The following RFC4 variants were observed in gnomAD, a reference collection of about 807,000 sequenced individuals.
The protein encoded by RFC4 is replication factor C subunit 4.
A neutral mutation model predicts 47.6 loss-of-function variants in RFC4; 38 were observed. The observed-to-expected ratio is 0.80, with a 90% confidence interval of 0.62 to 1.05. The LOEUF is 1.05. Ranked by LOEUF, RFC4 falls within the 50% of genes least tolerant of loss-of-function variation. The pLI is 0.00. For synonymous variants in RFC4, 164 were observed against 150.0 expected (o/e 1.09, Z -0.68); for missense variants, 489 against 434.0 (o/e 1.13, Z -1.13).
At chr3:186,800,598 T>C (rs944159565) in intron 3 of RFC4, among the ~76,000 whole-genome samples, 1 of 152,228 alleles carries the variant, frequency 6.6e-6, no homozygotes, top group Admixed American at 6.5e-5. Context: ...AAGTTATCCA[T>C]GGATACTTTA....
intron 5 of RFC4, among the ~76,000 whole-genome samples, chr3:186,794,234 A>G (rs1383035545): frequency 6.6e-6 from 1 of 152,264 alleles, no homozygotes; most frequent in Non-Finnish European, 1.5e-5. Context: ...TATGAAAATT[A>G]TACCAAGAAA....
intron 8 of RFC4, among the ~76,000 whole-genome samples, chr3:186,791,149 C>T (rs1722120025): frequency 6.6e-6 from 1 of 152,176 alleles, no homozygotes; most frequent in African/African-American, 2.4e-5. Flanking sequence ...AGAACATCTG[C>T]TAAAATTGAT....
intron 4 of RFC4, among the ~76,000 whole-genome samples, chr3:186,795,266 C>CA (rs1362183862): frequency 6.6e-6 from 1 of 152,194 alleles, no homozygotes. Flanking sequence ...GTTGGGATTA[C>CA]AGGTGTGAGG....
At chr3:186,790,299 T>C in intron 9 of RFC4, 27 bp downstream of exon 9, 1 of 1,612,124 alleles carries the variant, frequency 6.2e-7, no homozygotes, top group Non-Finnish European at 8.5e-7. Context: ...AATATTCCTT[T>C]CCCCAAAGTT....
Position 186,790,334 on chromosome 3 carries a change from C to CA in RFC4, c.873dup (p.Val292CysfsTer8). ...TAGTAAGCTGACTTTACCTTGACCA[C>CA]AGCTTCTAGTTTGTCAAAAGAGCCA... On this transcript the variant is annotated frameshift_variant, in exon 9 of 11. Coordinates refer to ENST00000296273, the MANE Select transcript of RFC4 (RefSeq NM_002916.5). LOFTEE classifies it high-confidence loss of function. The CA allele has an allele frequency of 6.2e-7, 1 of 1,613,770 alleles. No individual in the cohort carries two copies. Among genetic ancestry groups the CA allele is most frequent in the African/African-American group, 1.3e-5 (1 of 75,016 alleles).
At chr3:186,790,847 AAAGAGGATT>A (rs1337215497) in intron 8 of RFC4, among the ~76,000 whole-genome samples, 2 of 152,212 alleles carry the variant, frequency 1.3e-5, no homozygotes, top group East Asian at 3.9e-4. Context: ...CCAGAAAATT[AAAGAGGATT>A]AGTGGTACCA....
rs3917112 is a variant in RFC4, at chr3:186,800,009, A to G, written c.210+1108T>C. On this transcript the variant is annotated intron_variant, in intron 3 of 10. Transcript: ENST00000296273. ...CACTCTGTCACCCAGGCTGGAGTAC[A>G]GTGGCACAATCTTGGCTCACTGCAA... 8.1e-3 allele frequency among the ~76,000 whole-genome samples: 1,232 copies of G among 152,230 alleles called. 14 individuals are homozygous for G. The highest frequency in any genetic ancestry group is 0.028 in the African/African-American group (1,167 of 41,538).
rs775828072 is a variant in RFC4 at position 186,790,285 on chromosome 3, A to G, written c.883-30T>C. 12 of 1,611,078 alleles carry G rather than the reference A, an allele frequency of 7.4e-6. No individual in the cohort carries two copies. The African/African-American group carries it at 9.3e-5, about 13-fold the overall frequency. On this transcript the variant is annotated intron_variant, in intron 9 of 10. Coordinates refer to ENST00000296273, the MANE Select transcript of RFC4 (RefSeq NM_002916.5). ...AATAAAAAAAACTTTTGGTATGATG[A>G]CTTAATATTCCTTTCCCCAAAGTTA... is the stretch of plus-strand genomic sequence containing the variant.
At chr3:186,790,706 A>T (rs912048231) in intron 8 of RFC4, among the ~76,000 whole-genome samples, 1 of 152,226 alleles carries the variant, frequency 6.6e-6, no homozygotes, top group Non-Finnish European at 1.5e-5. Context: ...CCTAGCGGCT[A>T]TAACGATTCC....
chr3:186,802,752 T>A (rs538008594), intron 2 of RFC4, among the ~76,000 whole-genome samples: 45 of 152,280 alleles, frequency 3.0e-4, no homozygotes, highest in Admixed American at 1.2e-3. Context: ...TAATGTCTTC[T>A]CTTGGGAATC....
In RFC4 at chr3:186,792,446, C is replaced by G. The variant is rs1484187389; in HGVS notation, c.675+44G>C. The stretch of plus-strand genomic sequence containing the variant: ...TCAGGGCCTCTTTATATGCATTCAT[C>G]AAAGGAATTAGTAACTCTAATAATT... On this transcript the variant is annotated intron_variant, in intron 7 of 10. Coordinates refer to ENST00000296273, the MANE Select transcript of RFC4 (RefSeq NM_002916.5). 1.9e-6 allele frequency: 3 copies of G among 1,562,346 alleles called. No individual in the cohort carries two copies. The African/African-American group carries it at 4.1e-5, about 21-fold the overall frequency.
rs1261824231 is a variant in RFC4 at position 186,804,689 on chromosome 3, A to C, written c.25T>G (p.Ser9Ala). MQAFLKGTSISTKPPLTKD... is the reference protein window; with the variant it reads MQAFLKGTAISTKPPLTKD... ...GTCAGCGGGGGTTTAGTACTGATGG[A>C]TGTACCTTTAAGAAATGCTTGCATG... The change falls in exon 2 of 11, where the codon TCC (serine) becomes GCC (alanine). Residue 9 changes from serine to alanine, a missense_variant. By Grantham distance (99) the Ser-to-Ala change is moderately conservative (BLOSUM62 1). Coordinates refer to ENST00000296273, the MANE Select transcript of RFC4 (RefSeq NM_002916.5). The C allele has an allele frequency of 1.2e-6, 2 of 1,613,278 alleles. No individual in the cohort carries two copies. Among genetic ancestry groups the C allele is most frequent in the Non-Finnish European group, 1.7e-6 (2 of 1,179,686 alleles).
Position 186,804,726 on chromosome 3 carries a change from T to C in RFC4, c.-11-2A>G. ...GAAATGCTTGCATGGTACTTCACCC[T>C]GGTCAGGTGCAAGACAGAAAAAAAA... On this transcript the variant is annotated splice_acceptor_variant, in intron 1 of 10. Coordinates refer to ENST00000296273, the MANE Select transcript of RFC4 (RefSeq NM_002916.5). LOFTEE classifies it low-confidence loss of function (5UTR_SPLICE). The C allele has an allele frequency of 6.2e-7, 1 of 1,608,146 alleles. No homozygotes were observed. The highest frequency in any genetic ancestry group is 8.5e-7 in the Non-Finnish European group (1 of 1,177,152).
Position 186,798,912 on chromosome 3 carries a change from T to C in RFC4, c.211-1298A>G, listed in dbSNP as rs868774781. On this transcript the variant is annotated intron_variant, in intron 3 of 10. Transcript: ENST00000296273. ...TTCTATTCACATCTGTATTCTAGCA[T>C]CTACTACAGTAGTCAATGTTGGCCA... 2.6e-5 allele frequency among the ~76,000 whole-genome samples: 4 copies of C among 152,358 alleles called. No individual in the cohort carries two copies. In the South Asian group the frequency reaches 8.3e-4, roughly 32 times the overall value.
In RFC4 at chr3:186,793,559, G is replaced by A. The variant is rs1579178338; in HGVS notation, c.411-612C>T. Among the ~76,000 whole-genome samples the A allele has an allele frequency of 6.6e-6, 1 of 152,128 alleles. No homozygotes were observed. The highest frequency in any genetic ancestry group is 2.4e-5 in the African/African-American group (1 of 41,414). On this transcript the variant is annotated intron_variant, in intron 5 of 10. Transcript: ENST00000296273. This position sits in a 1 kb window ranked among gnomAD's most constrained non-coding sequence, Gnocchi z 4.2. ...CGGTTTACCATTTCTCCACATCCTT[G>A]TCAATGCTAGTTATTTTCTGTATTT... is the stretch of plus-strand genomic sequence containing the variant.
intron 2 of RFC4, among the ~76,000 whole-genome samples, chr3:186,803,055 A>T (rs532255028): frequency 6.6e-6 from 1 of 152,196 alleles, no homozygotes; most frequent in Non-Finnish European, 1.5e-5. Flanking sequence ...AACAAAACAT[A>T]TAAGGGGCTG....
chr3:186,805,719 T>C (rs1722464367), intron 1 of RFC4: 1 of 152,216 alleles, frequency 6.6e-6, no homozygotes, highest in Non-Finnish European at 1.5e-5. Flanking sequence ...AGAAGGTAAC[T>C]ATTTCTAACA....
At chr3:186,791,643 C>T (rs1341018695) in intron 8 of RFC4, 82 bp downstream of exon 8, 1 of 1,219,946 alleles carries the variant, frequency 8.2e-7, no homozygotes, top group Admixed American at 1.7e-5. Flanking sequence ...TTGCTAAACA[C>T]CCAGTATTTG....
At chr3:186,790,775 TTC>T (rs56034156) in intron 8 of RFC4, among the ~76,000 whole-genome samples, 3 of 152,230 alleles carry the variant, frequency 2.0e-5, no homozygotes, top group African/African-American at 7.2e-5. Flanking sequence ...GAAGTGCCCT[TTC>T]TCTCAATGTC....
Sources: allele counts gnomAD v4.1 joint callset (sites outside exome capture counted in the v4.1 genomes callset), GRCh38; gene constraint gnomAD v4.1.1; non-coding constraint Gnocchi (gnomAD v3.1); transcripts MANE v1.5; gene names NCBI Gene and HGNC (gene_info 2026-07-23, HGNC 2026-07-21).